The following PNKD variants were observed in gnomAD, a reference collection of about 807,000 sequenced individuals.
The protein encoded by PNKD is probable thioesterase PNKD.
PNKD carries 36 observed loss-of-function variants against 45.3 expected under a neutral mutation model. That is an observed-to-expected ratio of 0.80 (90% CI 0.61 to 1.05). The LOEUF (loss-of-function observed/expected upper bound fraction) is 1.05. Among genes scored for constraint, PNKD ranks in the 50% least tolerant of loss-of-function variants. The probability of loss-of-function intolerance (pLI) is 0.00; values close to 1 mark genes in which losing one functional copy is unlikely to be tolerated. For synonymous variants in PNKD, 197 were observed against 210.1 expected, an observed-to-expected ratio of 0.94 and a Z score of 0.54; for missense variants, 511 against 506.6, an observed-to-expected ratio of 1.01 and a Z score of -0.08.
intron 2 of PNKD, chr2:218,275,627 A>C: frequency 6.2e-7 from 1 of 1,606,258 alleles, no homozygotes; most frequent in Non-Finnish European, 8.5e-7. Flanking sequence ...AGGAACTGCA[A>C]GGATAGGGAA....
At chr2:218,341,667 C>T in intron 6 of PNKD, 41 bp downstream of exon 6, 3 of 1,367,390 alleles carry the variant, frequency 2.2e-6, no homozygotes, top group South Asian at 1.2e-5. Flanking sequence ...CTTCCATGGG[C>T]CCTTTCCCCC....
chr2:218,298,702 G>T (rs1446566526), intron 2 of PNKD, among the ~76,000 whole-genome samples: 1 of 152,126 alleles, frequency 6.6e-6, no homozygotes, highest in African/African-American at 2.4e-5. Flanking sequence ...CCAGGCTCCA[G>T]CTGTGCCCTT....
chr2:218,339,910 C>T lies in PNKD; in HGVS notation c.352+12C>T, dbSNP rs201092853. The T allele has an allele frequency of 4.9e-4, 775 of 1,578,344 alleles. 3 individuals carry two copies. The highest frequency in any genetic ancestry group is 3.2e-3 in the Middle Eastern group (19 of 6,014). On this transcript the variant is annotated intron_variant, in intron 3 of 9. Transcript: ENST00000273077. ...CCGCCTCTTCAATGGTGAGCTCTGA[C>T]TGCCCCGGCCAGCATCCCCCATTCT...
chr2:218,270,843 TC>T (rs1690801402), intron 1 of PNKD: 1 of 393,076 alleles, frequency 2.5e-6, no homozygotes, highest in Admixed American at 4.3e-5. Flanking sequence ...CCTGTTGGAC[TC>T]CCGCGCTCCA....
At chr2:218,323,323 T>C in intron 2 of PNKD, 1 of 1,569,556 alleles carries the variant, frequency 6.4e-7, no homozygotes, top group Non-Finnish European at 8.6e-7. Flanking sequence ...TGCTGGCTCC[T>C]CCTCGTCCTT....
intron 2 of PNKD, chr2:218,278,027 G>C (rs1691424200): frequency 1.2e-6 from 2 of 1,603,250 alleles, no homozygotes; most frequent in South Asian, 2.2e-5. Flanking sequence ...TCAGGCGTCA[G>C]AGGCTCCTAC....
chr2:218,322,943 CG>C (rs1418813420), intron 2 of PNKD, among the ~76,000 whole-genome samples: 2 of 152,100 alleles, frequency 1.3e-5, no homozygotes, highest in Non-Finnish European at 2.9e-5. Flanking sequence ...GGGAGGCGGG[CG>C]GGGCGAACTG....
chr2:218,341,517 T>C lies in PNKD; in HGVS notation c.525-17T>C. On this transcript the variant is annotated splice_polypyrimidine_tract_variant and intron_variant, in intron 5 of 9. Transcript: ENST00000273077. ...GTTGCCCCTCGAAGCCCCCTGCCTG[T>C]CTCTGCTGTCCTGCAGGGACCACAG... The C allele has an allele frequency of 1.3e-6, 2 of 1,552,562 alleles. No homozygotes were observed. Among genetic ancestry groups the C allele is most frequent in the Non-Finnish European group, 1.8e-6 (2 of 1,138,590 alleles).
intron 2 of PNKD, among the ~76,000 whole-genome samples, chr2:218,336,667 G>T (rs1559530465): frequency 6.6e-6 from 1 of 151,816 alleles, no homozygotes; most frequent in Non-Finnish European, 1.5e-5. Flanking sequence ...TTTTAGTAGA[G>T]ACAGGGTCTC....
chr2:218,331,596 T>G (rs1468352096), intron 2 of PNKD, among the ~76,000 whole-genome samples: 1 of 152,116 alleles, frequency 6.6e-6, no homozygotes, highest in Non-Finnish European at 1.5e-5. Context: ...GTCTCCCAAG[T>G]AGCTGGAATT....
Position 218,345,064 on chromosome 2 carries a change from ACAC to A in PNKD, c.*91_*93del. 1 of 1,073,880 alleles carries A rather than the reference ACAC, an allele frequency of 9.3e-7. No homozygotes were observed. The highest frequency in any genetic ancestry group is 1.4e-6 in the Non-Finnish European group (1 of 731,218). The allele number at this position is 1,073,880 out of a possible 1,614,324, so 66.5% of individuals were successfully genotyped here. On this transcript the variant is annotated 3_prime_UTR_variant, in exon 10 of 10. Transcript: ENST00000273077. Reference sequence around the variant, plus strand: ...CACCTCATCATCCTTCTCATCGCTAACACCACCACCTCCATCGGCACCCAAGCG... The same window carrying A: ...CACCTCATCATCCTTCTCATCGCTAACACCACCTCCATCGGCACCCAAGCG...
At chr2:218,293,656 G>C (rs1693056490) in intron 2 of PNKD, among the ~76,000 whole-genome samples, 1 of 145,430 alleles carries the variant, frequency 6.9e-6, no homozygotes, top group African/African-American at 2.5e-5. Context: ...CGCCATCTCG[G>C]CTCACTGCAT....
intron 2 of PNKD, among the ~76,000 whole-genome samples, chr2:218,300,649 G>A (rs1693249077): frequency 6.6e-6 from 1 of 151,694 alleles, no homozygotes; most frequent in Non-Finnish European, 1.5e-5. Flanking sequence ...GGGTTCAAGA[G>A]ATTCTCCTGC....
chr2:218,323,063 C>A, intron 2 of PNKD: 1 of 791,224 alleles, frequency 1.3e-6, no homozygotes, highest in South Asian at 3.6e-5. Flanking sequence ...GGAGCCAGGC[C>A]GCCCCCCAAG....
At chr2:218,327,478 G>A (rs1694187911) in intron 2 of PNKD, among the ~76,000 whole-genome samples, 1 of 152,104 alleles carries the variant, frequency 6.6e-6, no homozygotes, top group African/African-American at 2.4e-5. Context: ...CTGTGGGACC[G>A]TGGAGAACTG....
chr2:218,283,581 C>T (rs1692237804), intron 2 of PNKD, among the ~76,000 whole-genome samples: 1 of 152,182 alleles, frequency 6.6e-6, no homozygotes, highest in South Asian at 2.1e-4. Flanking sequence ...GGAGGACACC[C>T]CCAGATGCAG....
Position 218,345,383 on chromosome 2 carries a change from T to G in PNKD, c.*402T>G. On this transcript the variant is annotated 3_prime_UTR_variant, in exon 10 of 10. Transcript: ENST00000273077. ...CTGGAACCCAGGGTCCATCTTGCCC[T>G]TCCCCCATCCATGGTTGGGAAAGAA... 4 of 181,306 alleles carry G rather than the reference T, an allele frequency of 2.2e-5. No homozygotes were observed. Among genetic ancestry groups the G allele is most frequent in the Non-Finnish European group, 4.7e-5 (4 of 85,560 alleles). 11.2% of individuals were successfully genotyped at this position (181,306 alleles called of 1,614,324 possible).
chr2:218,298,705 G>A (rs754870436), intron 2 of PNKD, among the ~76,000 whole-genome samples: 3 of 152,120 alleles, frequency 2.0e-5, no homozygotes, highest in African/African-American at 7.2e-5. Context: ...GGCTCCAGCT[G>A]TGCCCTTACA....
At chr2:218,274,527 GT>G (rs1407147911) in intron 2 of PNKD, 2 of 154,746 alleles carry the variant, frequency 1.3e-5, no homozygotes, top group African/African-American at 4.8e-5. Flanking sequence ...CAGTACCACA[GT>G]AGGCTTCGGT....
Sources: allele counts gnomAD v4.1 joint callset (sites outside exome capture counted in the v4.1 genomes callset), GRCh38; gene constraint gnomAD v4.1.1; transcripts MANE v1.5; gene names NCBI Gene and HGNC (gene_info 2026-07-23, HGNC 2026-07-21).